Variants in ANKRD13C observed in about 807,000 individuals in gnomAD.
ANKRD13C encodes ankyrin repeat domain 13C, also known as ankyrin repeat domain-containing protein 13C.
A neutral mutation model predicts 65.5 loss-of-function variants in ANKRD13C; 16 were observed. That is an observed-to-expected ratio of 0.24 (90% CI 0.17 to 0.37). ANKRD13C has a LOEUF of 0.37. Among genes scored for constraint, ANKRD13C ranks in the 10% least tolerant of loss-of-function variants. The pLI, the probability that ANKRD13C is intolerant of heterozygous loss-of-function variation, is 1.00. For missense variants in ANKRD13C, 503 were observed against 655.9 expected, an observed-to-expected ratio of 0.77 and a Z score of 2.55; for synonymous variants, 235 against 238.7, an observed-to-expected ratio of 0.98 and a Z score of 0.14.
rs1471350571 is a variant in ANKRD13C, at chr1:70,262,336, A to G, written c.*381T>C. 1 of 152,954 alleles carries G rather than the reference A, an allele frequency of 6.5e-6. No homozygotes were observed. The highest frequency in any genetic ancestry group is 6.5e-5 in the Admixed American group (1 of 15,312). The allele number at this position is 152,954 out of a possible 1,614,324, so 9.5% of individuals were successfully genotyped here. On this transcript the variant is annotated 3_prime_UTR_variant, in exon 13 of 13. Coordinates refer to ENST00000370944, the MANE Select transcript of ANKRD13C (RefSeq NM_030816.5). ...TCTCTTAAGACATTTAATTTACGTTAATGGTCCAGGAGTGTTTTAGATATA... is the reference window on the plus strand; with the variant it reads ...TCTCTTAAGACATTTAATTTACGTTGATGGTCCAGGAGTGTTTTAGATATA...
At chr1:70,318,966 C>T (rs994563765) in intron 3 of ANKRD13C, among the ~76,000 whole-genome samples, 2 of 152,166 alleles carry the variant, frequency 1.3e-5, no homozygotes, top group African/African-American at 4.8e-5. Context: ...CAGGCATGAG[C>T]CACCACGCCC....
rs773349689 is a variant in ANKRD13C, at chr1:70,354,126, G to C, written c.283C>G (p.Leu95Val). The change falls in exon 1 of 13, where the codon CTG becomes GTG. Residue 95 changes from leucine (L) to valine (V), a missense_variant. By Grantham distance (32) the Leu-to-Val change is conservative. Coordinates refer to ENST00000370944, the MANE Select transcript of ANKRD13C (RefSeq NM_030816.5). ...ACAGCAACGGGGTTGGTGCCGGCCA[G>C]AAGGGCCGGGGACTGGGAGTTGGCA... ...VTANSQSPAL[L>V]AGTNPVAVVA... The C allele has an allele frequency of 6.2e-6, 10 of 1,613,848 alleles. No homozygotes were observed. Among genetic ancestry groups the C allele is most frequent in the East Asian group, 4.5e-5 (2 of 44,874 alleles).
At chr1:70,267,707 C>T (rs1216978386) in intron 12 of ANKRD13C, among the ~76,000 whole-genome samples, 1 of 151,914 alleles carries the variant, frequency 6.6e-6, no homozygotes, top group Non-Finnish European at 1.5e-5. Context: ...CTTTTTCTTG[C>T]CATCCTTAGG....
chr1:70,336,016 T>C (rs755943427), intron 2 of ANKRD13C, 42 bp downstream of exon 2: 33 of 657,820 alleles, frequency 5.0e-5, no homozygotes, highest in Non-Finnish European at 7.2e-5. Flanking sequence ...ACTGACTATA[T>C]ATAAATGAAG....
chr1:70,301,329 T>C lies in ANKRD13C; in HGVS notation c.777-421A>G, dbSNP rs1680347165. 2.6e-5 allele frequency among the ~76,000 whole-genome samples: 4 copies of C among 152,124 alleles called. No individual in the cohort carries two copies. The South Asian group carries it at 8.3e-4, about 32-fold the overall frequency. ...CATTTCCCTTACTGTAGCTACTCAA[T>C]AAAAGTGAACGGGGAAGGAAGAAAA... On this transcript the variant is annotated intron_variant, in intron 6 of 12. Coordinates refer to ENST00000370944, the MANE Select transcript of ANKRD13C (RefSeq NM_030816.5).
At chr1:70,274,029 T>A (rs1270730238) in intron 11 of ANKRD13C, among the ~76,000 whole-genome samples, 2 of 152,134 alleles carry the variant, frequency 1.3e-5, no homozygotes, top group African/African-American at 2.4e-5. Context: ...ATTTTTATTT[T>A]AAAAAATGCA....
chr1:70,263,900 T>C (rs963518963), intron 12 of ANKRD13C, among the ~76,000 whole-genome samples: 2 of 152,198 alleles, frequency 1.3e-5, no homozygotes, highest in Non-Finnish European at 2.9e-5. Context: ...CTAACTGATA[T>C]AAGCTAGTAT....
rs1298768012 is a variant in ANKRD13C, at chr1:70,354,142, G to A, written c.267C>T (p.Ser89=). The A allele has an allele frequency of 6.2e-7, 1 of 1,614,078 alleles. No individual in the cohort carries two copies. The highest frequency in any genetic ancestry group is 2.2e-5 in the East Asian group (1 of 44,888). Residue 89 remains serine, a synonymous_variant, in exon 1 of 13, where the codon TCC becomes TCT. Transcript: ENST00000370944. The part of the protein sequence containing the change: ...PLHNSSVTAN[S]QSPALLAGTN... ...TGCCGGCCAGAAGGGCCGGGGACTGGGAGTTGGCAGTCACGGAGGAATTGT... is the reference window on the plus strand; with the variant it reads ...TGCCGGCCAGAAGGGCCGGGGACTGAGAGTTGGCAGTCACGGAGGAATTGT...
intron 9 of ANKRD13C, among the ~76,000 whole-genome samples, chr1:70,278,613 A>T (rs142161719): frequency 3.7e-4 from 57 of 152,340 alleles, no homozygotes; most frequent in African/African-American, 1.3e-3. Flanking sequence ...GAGCAAAAAG[A>T]CAATAAGTGA....
At chr1:70,296,065 C>T (rs1386709109) in intron 8 of ANKRD13C, 65 bp downstream of exon 8, 17 of 1,546,836 alleles carry the variant, frequency 1.1e-5, no homozygotes, top group Middle Eastern at 1.7e-4. Flanking sequence ...ATTTCCATCA[C>T]GTTATTTTGG....
chr1:70,269,424 A>T (rs1678780446), intron 12 of ANKRD13C, among the ~76,000 whole-genome samples: 1 of 152,224 alleles, frequency 6.6e-6, no homozygotes. Flanking sequence ...TCAACTGTTT[A>T]ACTCCTGTTC....
At chr1:70,274,274 T>C (rs4307518) in intron 11 of ANKRD13C, among the ~76,000 whole-genome samples, 47,423 of 150,812 alleles carry the variant, frequency 0.31, 7,858 homozygotes, top group African/African-American at 0.41. Flanking sequence ...AGGAGTTTGA[T>C]GCCAGCCTGG....
At chr1:70,327,650 G>T (rs1487866634) in intron 2 of ANKRD13C, among the ~76,000 whole-genome samples, 1 of 152,204 alleles carries the variant, frequency 6.6e-6, no homozygotes, top group Non-Finnish European at 1.5e-5. Context: ...TTTCCTTGGT[G>T]TGATCATGAT....
chr1:70,283,652 T>TAA (rs943847841), intron 9 of ANKRD13C, among the ~76,000 whole-genome samples: 48 of 151,926 alleles, frequency 3.2e-4, no homozygotes, highest in African/African-American at 1.0e-3. Context: ...CCGTCTCTAC[T>TAA]AAAAATACAA....
chr1:70,297,881 C>A (rs1256181100), intron 7 of ANKRD13C, among the ~76,000 whole-genome samples: 1 of 147,578 alleles, frequency 6.8e-6, no homozygotes, highest in South Asian at 2.1e-4. Context: ...CACGCCACTG[C>A]ACTCCAGCCT....
intron 11 of ANKRD13C, among the ~76,000 whole-genome samples, chr1:70,271,488 T>C (rs887609003): frequency 6.6e-6 from 1 of 152,218 alleles, no homozygotes; most frequent in Non-Finnish European, 1.5e-5. Flanking sequence ...GCATTTTTCT[T>C]TGAAAAAAGT....
At position 70,326,190 on chromosome 1, in the gene ANKRD13C, CATTGCACTCCAGCCTGG is replaced by C. The variant is rs546297788; in HGVS notation, c.473-1250_473-1234del. On this transcript the variant is annotated intron_variant, in intron 2 of 12. Coordinates refer to ENST00000370944, the MANE Select transcript of ANKRD13C (RefSeq NM_030816.5). The stretch of plus-strand genomic sequence containing the variant: ...AGGTTGCAGTGAGCCGAGATTGCGC[CATTGCACTCCAGCCTGG>C]GCAACAAGAGCCAAACTCTGTCTCA... Among the ~76,000 whole-genome samples, 10 of 126,228 alleles carry C rather than the reference CATTGCACTCCAGCCTGG, an allele frequency of 7.9e-5. No homozygotes were observed. In the South Asian group the frequency reaches 2.7e-3, roughly 34 times the overall value. The allele number at this position is 126,228 out of a possible 152,430, so 82.8% of individuals were successfully genotyped here. A position where few individuals can be genotyped will look rare whatever the true frequency, so the allele number is the denominator to read the frequency against.
At chr1:70,307,677 G>A (rs1051956234) in intron 5 of ANKRD13C, among the ~76,000 whole-genome samples, 4 of 152,050 alleles carry the variant, frequency 2.6e-5, no homozygotes, top group South Asian at 2.1e-4. Flanking sequence ...AGCTGGGCAC[G>A]GTTTGGCTAT....
chr1:70,282,978 C>T (rs1679463501), intron 9 of ANKRD13C, among the ~76,000 whole-genome samples: 1 of 152,022 alleles, frequency 6.6e-6, no homozygotes, highest in South Asian at 2.1e-4. Context: ...TAAGTTTCTA[C>T]CATTTCCAAA....
Sources: gnomAD v4.1 joint callset for allele counts (sites outside exome capture counted in the v4.1 genomes callset) on GRCh38, gnomAD v4.1.1 for gene constraint, MANE v1.5 for transcripts, NCBI Gene and HGNC (gene_info 2026-07-23, HGNC 2026-07-21) for gene names.